JAKMIP2: variants seen among roughly 807,000 people sequenced by gnomAD.
JAKMIP2 encodes janus kinase and microtubule-interacting protein 2.
JAKMIP2 carries 25 observed loss-of-function variants against 115.0 expected under a neutral mutation model. The ratio of observed to expected loss-of-function variants is 0.22; its 90% CI spans 0.16 to 0.30. JAKMIP2 has a LOEUF of 0.30. Ranked by LOEUF, JAKMIP2 falls within the 10% of genes least tolerant of loss-of-function variation. The pLI is 1.00. For synonymous variants in JAKMIP2, 334 were observed against 343.6 expected (o/e 0.97, Z 0.31); for missense variants, 642 against 957.6 (o/e 0.67, Z 4.35).
At chr5:147,699,484 T>A (rs35604260) in intron 1 of JAKMIP2, among the ~76,000 whole-genome samples, 45,333 of 151,738 alleles carry the variant, frequency 0.3, 8,218 homozygotes, top group East Asian at 0.51. Flanking sequence ...CAGCAAGACC[T>A]CAAGAAAAGA....
Position 147,661,134 on chromosome 5 carries a change from T to C in JAKMIP2, c.441A>G (p.Thr147=), listed in dbSNP as rs1758943903. ...AREEARKLFD[T]ERLKLLQEIA... ...TTTCCTGTAAGAGCTTAAGGCGCTC[T>C]GTGTCAAACAGTTTCCGGGCCTCCT... Residue 147 remains threonine, a synonymous_variant, in exon 3 of 22, where the codon ACA becomes ACG. Transcript: ENST00000616793. The C allele has an allele frequency of 3.7e-6, 6 of 1,614,114 alleles. No homozygotes were observed. In the East Asian group the frequency reaches 1.3e-4, roughly 36 times the overall value.
rs746564199 is a variant in JAKMIP2, at chr5:147,590,993, T to C, written c.*714A>G. 2.0e-5 allele frequency: 3 copies of C among 152,600 alleles called. No individual in the cohort carries two copies. Among genetic ancestry groups the C allele is most frequent in the Non-Finnish European group, 4.4e-5 (3 of 68,066 alleles). The allele number at this position is 152,600 out of a possible 1,614,324, so 9.5% of individuals were successfully genotyped here. ...GTCACTGTGATCCACTTCTCATCTG[T>C]CGTCTGTGGAATGAATTCCACAAGC... On this transcript the variant is annotated 3_prime_UTR_variant, in exon 22 of 22. Transcript: ENST00000616793.
chr5:147,644,922 G>A lies in JAKMIP2; in HGVS notation c.1011C>T (p.Asn337=), dbSNP rs768571854. 32 of 1,613,596 alleles carry A rather than the reference G, an allele frequency of 2.0e-5. No homozygotes were observed. Among genetic ancestry groups the A allele is most frequent in the African/African-American group, 5.3e-5 (4 of 74,832 alleles). The change falls in exon 6 of 22, where the codon AAC becomes AAT. Residue 337 remains asparagine (N), a synonymous_variant. Transcript: ENST00000616793. The part of the protein sequence containing the change: ...LERNKCLAKR[N]DELMVSLQRM... The stretch of plus-strand genomic sequence containing the variant: ...GCTGCAAGGACACCATCAGTTCATC[G>A]TTTCTCTTGGCGAGGCACTTGTTCC...
intron 1 of JAKMIP2, among the ~76,000 whole-genome samples, chr5:147,742,469 A>G (rs1428674253): frequency 6.6e-6 from 1 of 152,138 alleles, no homozygotes; most frequent in Non-Finnish European, 1.5e-5. Context: ...TGCCAGGTCT[A>G]TGGGAAACAA....
At chr5:147,611,983 A>T (rs1017088443) in intron 20 of JAKMIP2, among the ~76,000 whole-genome samples, 17 of 152,262 alleles carry the variant, frequency 1.1e-4, no homozygotes, top group Middle Eastern at 3.4e-3. Flanking sequence ...AGATTTTTTT[A>T]AAAAAAGAGC....
intron 1 of JAKMIP2, among the ~76,000 whole-genome samples, chr5:147,724,029 T>C (rs1222740072): frequency 6.6e-6 from 1 of 152,200 alleles, no homozygotes; most frequent in African/African-American, 2.4e-5. Flanking sequence ...AAAGAGTAAT[T>C]CACTTAACCA....
chr5:147,669,943 T>C (rs1045890336), intron 2 of JAKMIP2, among the ~76,000 whole-genome samples: 3 of 152,216 alleles, frequency 2.0e-5, no homozygotes, highest in African/African-American at 7.2e-5. Context: ...TGCACAGTGA[T>C]GCTTGACAAG....
chr5:147,676,615 T>C (rs1759979089), intron 1 of JAKMIP2, among the ~76,000 whole-genome samples: 1 of 152,210 alleles, frequency 6.6e-6, no homozygotes, highest in South Asian at 2.1e-4. Context: ...GCATCAAATA[T>C]GTGAATTTTA....
chr5:147,773,955 G>A (rs1175921249), intron 1 of JAKMIP2, among the ~76,000 whole-genome samples: 1 of 152,068 alleles, frequency 6.6e-6, no homozygotes, highest in African/African-American at 2.4e-5. Flanking sequence ...TTAAAAAGCT[G>A]AGACTTATTT....
At chr5:147,669,062 T>C (rs1414809356) in intron 2 of JAKMIP2, among the ~76,000 whole-genome samples, 1 of 152,234 alleles carries the variant, frequency 6.6e-6, no homozygotes, top group Non-Finnish European at 1.5e-5. Flanking sequence ...CCCTAGTAGC[T>C]GAACTGTCAT....
At chr5:147,637,436 G>GTTTTTTTTTTTTTTTTTTTTTTTT (rs1561506660) in intron 10 of JAKMIP2, among the ~76,000 whole-genome samples, 2 of 74,040 alleles carry the variant, frequency 2.7e-5, no homozygotes, top group East Asian at 8.3e-4. Flanking sequence ...AAATTCTTTT[G>GTTTTTTTTTTTTTTTTTTTTTTTT]ATTTTTTTTT....
At position 147,621,308 on chromosome 5, in the gene JAKMIP2, T is replaced by C. The variant is rs534290442; in HGVS notation, c.2065-565A>G. Reference sequence around the variant, plus strand: ...TGTTCCCTCTCTTGTTCTCAGTTTCTGTGTGCTTCTCATATTATCAGCATC... The same window carrying C: ...TGTTCCCTCTCTTGTTCTCAGTTTCCGTGTGCTTCTCATATTATCAGCATC... On this transcript the variant is annotated intron_variant, in intron 17 of 21. Transcript: ENST00000616793. Among the ~76,000 whole-genome samples, 13 of 152,364 alleles carry C rather than the reference T, an allele frequency of 8.5e-5. 1 individual carries two copies. In the South Asian group the frequency reaches 1.9e-3, roughly 22 times the overall value.
chr5:147,695,875 T>A (rs569699454), intron 1 of JAKMIP2, among the ~76,000 whole-genome samples: 1 of 152,152 alleles, frequency 6.6e-6, no homozygotes, highest in Non-Finnish European at 1.5e-5. Flanking sequence ...CAAAATTACA[T>A]AGAATAACAC....
chr5:147,755,348 C>T (rs1754707301), intron 1 of JAKMIP2, among the ~76,000 whole-genome samples: 1 of 152,108 alleles, frequency 6.6e-6, no homozygotes, highest in South Asian at 2.1e-4. Flanking sequence ...AATGATGTCT[C>T]CTGTCTCCCT....
At chr5:147,764,419 A>G (rs1324732434) in intron 1 of JAKMIP2, among the ~76,000 whole-genome samples, 1 of 145,018 alleles carries the variant, frequency 6.9e-6, no homozygotes, top group Non-Finnish European at 1.5e-5. Context: ...ATGTTGGGTC[A>G]TAGATACTAG....
intron 16 of JAKMIP2, among the ~76,000 whole-genome samples, chr5:147,625,310 T>C (rs1160454979): frequency 3.3e-5 from 5 of 152,164 alleles, no homozygotes; most frequent in Non-Finnish European, 7.3e-5. Flanking sequence ...TTACCTGTGA[T>C]AAATTATGCA....
At position 147,620,143 on chromosome 5, in the gene JAKMIP2, G is replaced by A. The variant is rs1196243367; in HGVS notation, c.2142+523C>T. ...AGGATCTTGCTCTGCTGCCCAGGCT[G>A]GAGTACAGTGGCACGATCACAACTC... On this transcript the variant is annotated intron_variant, in intron 18 of 21. Transcript: ENST00000616793. 5.3e-5 allele frequency among the ~76,000 whole-genome samples: 8 copies of A among 152,110 alleles called. No individual in the cohort carries two copies. The South Asian group carries it at 1.7e-3, about 32-fold the overall frequency.
At chr5:147,678,366 T>A (rs1760087021) in intron 1 of JAKMIP2, among the ~76,000 whole-genome samples, 1 of 152,196 alleles carries the variant, frequency 6.6e-6, no homozygotes, top group Non-Finnish European at 1.5e-5. Context: ...CTTTTCAGAT[T>A]TTCCATATAA....
At chr5:147,761,541 C>T (rs1197041037) in intron 1 of JAKMIP2, among the ~76,000 whole-genome samples, 1 of 152,056 alleles carries the variant, frequency 6.6e-6, no homozygotes, top group Non-Finnish European at 1.5e-5. Context: ...TATTATCTAA[C>T]TTTATCTTAC....
Sources: allele counts gnomAD v4.1 joint callset (sites outside exome capture counted in the v4.1 genomes callset), GRCh38; gene constraint gnomAD v4.1.1; transcripts MANE v1.5; gene names NCBI Gene and HGNC (gene_info 2026-07-23, HGNC 2026-07-21).